The following C2CD2L variants were observed in gnomAD, a reference collection of about 807,000 sequenced individuals.
C2CD2L encodes C2CD2 like, also known as phospholipid transfer protein C2CD2L.
C2CD2L carries 24 observed loss-of-function variants against 69.9 expected under a neutral mutation model. The ratio of observed to expected loss-of-function variants is 0.34; its 90% CI spans 0.25 to 0.48. C2CD2L has a LOEUF of 0.48. Ranked by LOEUF, C2CD2L falls within the 20% of genes least tolerant of loss-of-function variation. The pLI, the probability that C2CD2L is intolerant of heterozygous loss-of-function variation, is 0.99. For synonymous variants in C2CD2L, 367 were observed against 391.0 expected (o/e 0.94, Z 0.72); for missense variants, 811 against 941.5 (o/e 0.86, Z 1.81).
At chr11:119,106,692 T>C (rs1946598037), upstream of C2CD2L, 1 of 152,196 alleles carries the variant, frequency 6.6e-6, no homozygotes, top group Non-Finnish European at 1.5e-5. Flanking sequence ...CAGGAGCTGT[T>C]ACTATGGAAA....
chr11:119,110,729 C>G lies in C2CD2L; in HGVS notation c.570+49C>G, dbSNP rs1237990819. The G allele has an allele frequency of 1.9e-6, 3 of 1,610,278 alleles. No homozygotes were observed. In the East Asian group the frequency reaches 6.7e-5, roughly 36 times the overall value. ...AGTTGGGCAGGGGCGGTTCCATTGG[C>G]TCAGCTTCTTCCATTTGTTTCCTCT... On this transcript the variant is annotated intron_variant, in intron 3 of 13. Coordinates refer to ENST00000648610, the MANE Select transcript of C2CD2L (RefSeq NM_001290474.2). The surrounding 1 kb of genome is among the most constrained non-coding windows in gnomAD (Gnocchi z 5.7).
chr11:119,110,959 T>A lies in C2CD2L; in HGVS notation c.681+2T>A. 1 of 1,613,572 alleles carries A rather than the reference T, an allele frequency of 6.2e-7. No homozygotes were observed. The highest frequency in any genetic ancestry group is 8.5e-7 in the Non-Finnish European group (1 of 1,179,820). ...CTTCCCAAGCTTCAGGCCAGGGAGGTAAGGAGGCAGAGCTGGCAGAGAAGA... is the reference window on the plus strand; with the variant it reads ...CTTCCCAAGCTTCAGGCCAGGGAGGAAAGGAGGCAGAGCTGGCAGAGAAGA... On this transcript the variant is annotated splice_donor_variant, in intron 4 of 13. Transcript: ENST00000648610. LOFTEE classifies it high-confidence loss of function. The surrounding 1 kb of genome is among the most constrained non-coding windows in gnomAD (Gnocchi z 5.7).
chr11:119,113,268 T>G, intron 10 of C2CD2L: 1 of 378,880 alleles, frequency 2.6e-6, no homozygotes. Context: ...TCTGTGGCAT[T>G]TCTACCCCAC....
chr11:119,110,042 C>T lies in C2CD2L; in HGVS notation c.355-62C>T. 5.7e-6 allele frequency: 7 copies of T among 1,226,434 alleles called. No homozygotes were observed. Among genetic ancestry groups the T allele is most frequent in the Middle Eastern group, 1.9e-4 (1 of 5,294 alleles). 76.0% of individuals were successfully genotyped at this position (1,226,434 alleles called of 1,614,324 possible). ...TGGCAGAGTCCAGCCAGCAACTGAG[C>T]AGGCCAACCCTGTGGGGGGCAGCTC... On this transcript the variant is annotated intron_variant, in intron 1 of 13. Coordinates refer to ENST00000648610, the MANE Select transcript of C2CD2L (RefSeq NM_001290474.2). The surrounding 1 kb of genome is among the most constrained non-coding windows in gnomAD (Gnocchi z 5.7).
chr11:119,105,973 C>G (rs1189006120), upstream of C2CD2L, among the ~76,000 whole-genome samples: 2 of 152,214 alleles, frequency 1.3e-5, no homozygotes, highest in African/African-American at 4.8e-5. Context: ...CCTGAGTTCT[C>G]TCCTCCCTTG....
Position 119,110,818 on chromosome 11 carries a change from C to A in C2CD2L, c.571-29C>A. On this transcript the variant is annotated intron_variant, in intron 3 of 13. Transcript: ENST00000648610. The surrounding 1 kb of genome is among the most constrained non-coding windows in gnomAD (Gnocchi z 5.7). ...GAGTCCTTGGGTAAATGGGGCAAGTCAGCCCAGTCACTTTGTTCCTGTCTG... is the reference window on the plus strand; with the variant it reads ...GAGTCCTTGGGTAAATGGGGCAAGTAAGCCCAGTCACTTTGTTCCTGTCTG... 1.2e-6 allele frequency: 2 copies of A among 1,611,694 alleles called. No individual in the cohort carries two copies. The highest frequency in any genetic ancestry group is 2.2e-5 in the East Asian group (1 of 44,810).
In C2CD2L at chr11:119,110,906, T is replaced by C. The variant is rs2134953297; in HGVS notation, c.630T>C (p.Thr210=). The change falls in exon 4 of 14, where the codon ACT becomes ACC. Residue 210 remains threonine, a synonymous_variant. Coordinates refer to ENST00000648610, the MANE Select transcript of C2CD2L (RefSeq NM_001290474.2). This position sits in a 1 kb window ranked among gnomAD's most constrained non-coding sequence, Gnocchi z 5.7. Reference sequence around the variant, plus strand: ...GGCTGCTCATATCCTGGGCCTTCACTGATCGCCCAGATCTCAGCCTAACGG... The same window carrying C: ...GGCTGCTCATATCCTGGGCCTTCACCGATCGCCCAGATCTCAGCCTAACGG... ...GEGLLISWAF[T]DRPDLSLTVL... is the part of the protein sequence containing the mutation. 5 of 1,614,190 alleles carry C rather than the reference T, an allele frequency of 3.1e-6. No individual in the cohort carries two copies. Among genetic ancestry groups the C allele is most frequent in the Non-Finnish European group, 4.2e-6 (5 of 1,180,010 alleles).
Position 119,114,674 on chromosome 11 carries a change from G to A in C2CD2L, c.1909+309G>A. 1 of 366,800 alleles carries A rather than the reference G, an allele frequency of 2.7e-6. No individual in the cohort carries two copies. Among genetic ancestry groups the A allele is most frequent in the Non-Finnish European group, 5.1e-6 (1 of 195,684 alleles). 22.7% of individuals were successfully genotyped at this position (366,800 alleles called of 1,614,324 possible). ...ATAAAAATTTATTCCTAGGCAGGGT[G>A]TGGTGGCTCACACCGGCACTTTGGG... On this transcript the variant is annotated intron_variant, in intron 13 of 13. Transcript: ENST00000648610. The surrounding 1 kb of genome is among the most constrained non-coding windows in gnomAD (Gnocchi z 5.1).
upstream of C2CD2L, among the ~76,000 whole-genome samples, chr11:119,106,222 A>G (rs1350215692): frequency 1.3e-5 from 2 of 152,152 alleles, no homozygotes; most frequent in Admixed American, 6.6e-5. Context: ...GCCATCCCAC[A>G]CTTCAGAAGG....
rs970122237 is a variant in C2CD2L, at chr11:119,117,052, C to G, written c.*796C>G. ...GGCTGCACCTCTGTGTGTTGGGAGACGATGATGATGTCCATTGCTGTGTGA... is the reference window on the plus strand; with the variant it reads ...GGCTGCACCTCTGTGTGTTGGGAGAGGATGATGATGTCCATTGCTGTGTGA... On this transcript the variant is annotated 3_prime_UTR_variant, in exon 14 of 14. Transcript: ENST00000648610. 2 of 152,566 alleles carry G rather than the reference C, an allele frequency of 1.3e-5. No homozygotes were observed. The highest frequency in any genetic ancestry group is 4.8e-5 in the African/African-American group (2 of 41,410). 9.5% of individuals were successfully genotyped at this position (152,566 alleles called of 1,614,324 possible).
At position 119,114,324 on chromosome 11, in the gene C2CD2L, C is replaced by T; in HGVS notation, c.1868C>T (p.Ser623Phe). 1.2e-6 allele frequency: 2 copies of T among 1,614,160 alleles called. No individual in the cohort carries two copies. The highest frequency in any genetic ancestry group is 1.7e-6 in the Non-Finnish European group (2 of 1,180,020). Residue 623 changes from serine (S) to phenylalanine (F), a missense_variant, in exon 13 of 14, where the codon TCC becomes TTC. Coordinates refer to ENST00000648610, the MANE Select transcript of C2CD2L (RefSeq NM_001290474.2). This position sits in a 1 kb window ranked among gnomAD's most constrained non-coding sequence, Gnocchi z 5.1. Reference protein sequence around the residue: ...SVDDIESETGSTGALETRSLK... With the variant: ...SVDDIESETGFTGALETRSLK... ...GATGATATTGAGTCGGAAACGGGGTCCACTGGTGCCCTGGAGACCCGCAGC... is the reference window on the plus strand; with the variant it reads ...GATGATATTGAGTCGGAAACGGGGTTCACTGGTGCCCTGGAGACCCGCAGC...
rs747666802 is a variant in C2CD2L, at chr11:119,114,434, G to T, written c.1909+69G>T. On this transcript the variant is annotated intron_variant, in intron 13 of 13. Transcript: ENST00000648610. This position sits in a 1 kb window ranked among gnomAD's most constrained non-coding sequence, Gnocchi z 5.1. ...CACATATCATGACCTGGGGGACCTC[G>T]AGCCAGTGTGCCTTCTCCTTCCTCC... 2 of 1,481,036 alleles carry T rather than the reference G, an allele frequency of 1.4e-6. No individual in the cohort carries two copies. The highest frequency in any genetic ancestry group is 2.8e-5 in the African/African-American group (2 of 72,392). 91.7% of individuals were successfully genotyped at this position (1,481,036 alleles called of 1,614,324 possible).
In C2CD2L at chr11:119,108,083, C is replaced by T; in HGVS notation, c.342C>T (p.Ala114=). ...GGGTGCGAGCGCTGAACGAGCAGGC[C>T]TGCAGAAACGGGGTGAGTTGGACCA... ...RAWVRALNEQ[A]CRNGSSIQIA... The change falls in exon 1 of 14, where the codon GCC becomes GCT. Residue 114 remains alanine (A), a synonymous_variant. Coordinates refer to ENST00000648610, the MANE Select transcript of C2CD2L (RefSeq NM_001290474.2). The T allele has an allele frequency of 6.3e-7, 1 of 1,594,602 alleles. No individual in the cohort carries two copies. Among genetic ancestry groups the T allele is most frequent in the Admixed American group, 1.7e-5 (1 of 58,362 alleles).
At chr11:119,104,848 G>A (rs557862655), upstream of C2CD2L, among the ~76,000 whole-genome samples, 32 of 152,332 alleles carry the variant, frequency 2.1e-4, no homozygotes, top group African/African-American at 7.5e-4. Context: ...ATAGTCTGGG[G>A]CTGTGATACT....
rs1946684725 is a variant in C2CD2L, at chr11:119,109,646, G to A, written c.355-458G>A. Among the ~76,000 whole-genome samples, 1 of 152,238 alleles carries A rather than the reference G, an allele frequency of 6.6e-6. No individual in the cohort carries two copies. Among genetic ancestry groups the A allele is most frequent in the South Asian group, 2.1e-4 (1 of 4,834 alleles). ...CTGCAGCTCTTATCTTGAACAAGGT[G>A]GCTCTACCACCTTTACCGGGGCTTA... On this transcript the variant is annotated intron_variant, in intron 1 of 13. Coordinates refer to ENST00000648610, the MANE Select transcript of C2CD2L (RefSeq NM_001290474.2). This position sits in a 1 kb window ranked among gnomAD's most constrained non-coding sequence, Gnocchi z 5.1.
chr11:119,107,920 T>C lies in C2CD2L; in HGVS notation c.179T>C (p.Leu60Pro), dbSNP rs780563976. The C allele has an allele frequency of 5.9e-5, 90 of 1,534,362 alleles. No individual in the cohort carries two copies. The highest frequency in any genetic ancestry group is 1.3e-4 in the Admixed American group (6 of 46,722). The change falls in exon 1 of 14, where the codon CTG (leucine) becomes CCG (proline). Residue 60 changes from leucine to proline, a missense_variant. Transcript: ENST00000648610. The surrounding 1 kb of genome is among the most constrained non-coding windows in gnomAD (Gnocchi z 5.4). ...TTAGCCGGGGAACCCGCGGGTTCCC[T>C]GCGGGAGCTGGGCGTGTGGCGCTCG... ...PALAGEPAGS[L>P]RELGVWRSLL...
chr11:119,108,146 G>T, intron 1 of C2CD2L, 51 bp downstream of exon 1: 1 of 1,320,234 alleles, frequency 7.6e-7, no homozygotes, highest in Non-Finnish European at 1.1e-6. Context: ...CCTTCCAGGG[G>T]AGGGACTGAC....
Position 119,110,428 on chromosome 11 carries a change from G to A in C2CD2L, c.451-133G>A, listed in dbSNP as rs1592238383. On this transcript the variant is annotated intron_variant, in intron 2 of 13. Transcript: ENST00000648610. This position sits in a 1 kb window ranked among gnomAD's most constrained non-coding sequence, Gnocchi z 5.7. The stretch of plus-strand genomic sequence containing the variant: ...CTTTGGCATTTATCTGATTCTTTTA[G>A]GGATTTATGATCCTGAAAACATGAA... The A allele has an allele frequency of 9.2e-7, 1 of 1,083,216 alleles. No homozygotes were observed. Among genetic ancestry groups the A allele is most frequent in the Non-Finnish European group, 1.3e-6 (1 of 774,364 alleles). The allele number at this position is 1,083,216 out of a possible 1,614,324, so 67.1% of individuals were successfully genotyped here.
chr11:119,112,233 G>A lies in C2CD2L; in HGVS notation c.1020-95G>A, dbSNP rs528333894. ...GGAGCATTTATGCCGTTTTATTTATGTACACAGCTCTCTGCCTCTGGCCTG... is the reference window on the plus strand; with the variant it reads ...GGAGCATTTATGCCGTTTTATTTATATACACAGCTCTCTGCCTCTGGCCTG... On this transcript the variant is annotated intron_variant, in intron 7 of 13. Transcript: ENST00000648610. 993 of 1,060,660 alleles carry A rather than the reference G, an allele frequency of 9.4e-4. 20 individuals carry two copies. The South Asian group carries it at 0.014, about 15-fold the overall frequency. The allele number at this position is 1,060,660 out of a possible 1,614,324, so 65.7% of individuals were successfully genotyped here.
Sources: allele counts gnomAD v4.1 joint callset (sites outside exome capture counted in the v4.1 genomes callset), GRCh38; gene constraint gnomAD v4.1.1; non-coding constraint Gnocchi (gnomAD v3.1); transcripts MANE v1.5; gene names NCBI Gene and HGNC (gene_info 2026-07-23, HGNC 2026-07-21).